UGT1A10: variants seen among roughly 807,000 people sequenced by gnomAD.
The protein encoded by UGT1A10 is UDP-glucuronosyltransferase 1A10.
Under a neutral mutation model 45.8 loss-of-function variants are expected in UGT1A10, and 49 were observed. The ratio of observed to expected loss-of-function variants is 1.07; its 90% CI spans 0.85 to 1.36. The LOEUF (loss-of-function observed/expected upper bound fraction) is 1.36, where lower values mean the gene tolerates loss of function less well. Ranked by LOEUF, UGT1A10 falls within the 40% of genes most tolerant of loss-of-function variation. UGT1A10 has a pLI of 0.00. For synonymous variants in UGT1A10, 284 were observed against 249.7 expected, an observed-to-expected ratio of 1.14 and a Z score of -1.29; for missense variants, 745 against 668.6, an observed-to-expected ratio of 1.11 and a Z score of -1.26.
intron 1 of UGT1A10, chr2:233,760,416 G>A (rs1575772039): frequency 6.2e-7 from 1 of 1,614,218 alleles, no homozygotes; most frequent in East Asian, 2.2e-5. Flanking sequence ...GGCTGAGCAT[G>A]CTTGGGGCCA....
At chr2:233,648,236 A>G in intron 1 of UGT1A10, 3 of 626,848 alleles carry the variant, frequency 4.8e-6, no homozygotes, top group Non-Finnish European at 8.2e-6. Context: ...AAATTAGTAG[A>G]ATACTTAAAG....
intron 1 of UGT1A10, among the ~76,000 whole-genome samples, chr2:233,650,670 G>T (rs2073716152): frequency 6.6e-6 from 1 of 151,990 alleles, no homozygotes; most frequent in African/African-American, 2.4e-5. Context: ...TCATATCTCA[G>T]CATAAATTTT....
In UGT1A10 at chr2:233,722,021, C is replaced by T. The variant is rs991627062; in HGVS notation, c.856-45013C>T. On this transcript the variant is annotated intron_variant, in intron 1 of 4. Coordinates refer to ENST00000344644, the MANE Select transcript of UGT1A10 (RefSeq NM_019075.4). ...TTTAAGTGAACAGGAAAACTGAAAC[C>T]TCTTGAATTGCATGATTTTGTGGTG... 3.6e-5 allele frequency: 9 copies of T among 248,092 alleles called. No homozygotes were observed. In the Admixed American group the frequency reaches 3.8e-4, roughly 10 times the overall value. 15.4% of individuals were successfully genotyped at this position (248,092 alleles called of 1,614,324 possible).
chr2:233,722,457 A>G (rs2077013150), intron 1 of UGT1A10, among the ~76,000 whole-genome samples: 4 of 152,226 alleles, frequency 2.6e-5, no homozygotes, highest in South Asian at 4.1e-4. Flanking sequence ...CAAAGAAATA[A>G]CTGTGGAATT....
At chr2:233,757,414 C>T (rs1409954571) in intron 1 of UGT1A10, among the ~76,000 whole-genome samples, 3 of 151,192 alleles carry the variant, frequency 2.0e-5, no homozygotes, top group East Asian at 2.0e-4. Context: ...GGGTCTAGAA[C>T]GAAAAGAGAA....
rs2076922721 is a variant in UGT1A10, at chr2:233,721,129, T to G, written c.856-45905T>G. 2.0e-5 allele frequency among the ~76,000 whole-genome samples: 3 copies of G among 152,198 alleles called. 1 individual carries two copies. Among genetic ancestry groups the G allele is most frequent in the Admixed American group, 2.0e-4 (3 of 15,284 alleles). On this transcript the variant is annotated intron_variant, in intron 1 of 4. Transcript: ENST00000344644. ...TTATTTCTGTACTTCTTTTTATTAGTGTAGGTATTATTGCAAAGGACACTA... is the reference window on the plus strand; with the variant it reads ...TTATTTCTGTACTTCTTTTTATTAGGGTAGGTATTATTGCAAAGGACACTA...
rs60469444 is a variant in UGT1A10, at chr2:233,743,994, T to G, written c.856-23040T>G. ...GCCAGCACCCAGGCGCAGGCCCGAG[T>G]GCTCGGAGACCTGGGCCGCCTGGAG... On this transcript the variant is annotated intron_variant, in intron 1 of 4. Coordinates refer to ENST00000344644, the MANE Select transcript of UGT1A10 (RefSeq NM_019075.4). 3 of 1,253,056 alleles carry G rather than the reference T, an allele frequency of 2.4e-6. No individual in the cohort carries two copies. In the African/African-American group the frequency reaches 4.7e-5, roughly 20 times the overall value. The allele number at this position is 1,253,056 out of a possible 1,614,324, so 77.6% of individuals were successfully genotyped here. A position where few individuals can be genotyped will look rare whatever the true frequency, so the allele number is the denominator to read the frequency against.
At chr2:233,661,708 C>T (rs78337459) in intron 1 of UGT1A10, among the ~76,000 whole-genome samples, 26 of 90,842 alleles carry the variant, frequency 2.9e-4, no homozygotes, top group African/African-American at 9.0e-4. Flanking sequence ...TATCTGGATT[C>T]TTTTTTTTTT....
At chr2:233,677,892 C>A (rs1290690935) in intron 1 of UGT1A10, among the ~76,000 whole-genome samples, 1 of 151,954 alleles carries the variant, frequency 6.6e-6, no homozygotes, top group African/African-American at 2.4e-5. Context: ...CAGCTCTATT[C>A]AGAATAGAAA....
Position 233,730,160 on chromosome 2 carries a change from G to A in UGT1A10, c.856-36874G>A, listed in dbSNP as rs546399055. 7.2e-5 allele frequency among the ~76,000 whole-genome samples: 11 copies of A among 152,316 alleles called. No homozygotes were observed. The East Asian group carries it at 1.7e-3, about 24-fold the overall frequency. On this transcript the variant is annotated intron_variant, in intron 1 of 4. Coordinates refer to ENST00000344644, the MANE Select transcript of UGT1A10 (RefSeq NM_019075.4). ...GAGATAAACTGTTAAGGGGTCTCTA[G>A]TAGCGTATTTCAGGTTTTAAATGGT...
chr2:233,667,347 G>T (rs2125496051), intron 1 of UGT1A10, among the ~76,000 whole-genome samples: 1 of 152,268 alleles, frequency 6.6e-6, no homozygotes, highest in South Asian at 2.1e-4. Context: ...AGCTGAAACT[G>T]GATCCCTTCC....
chr2:233,688,101 C>T (rs530758909), intron 1 of UGT1A10, among the ~76,000 whole-genome samples: 1 of 152,308 alleles, frequency 6.6e-6, no homozygotes, highest in South Asian at 2.1e-4. Context: ...TATTTCTCCC[C>T]CTTCTTCTAC....
chr2:233,748,324 T>A (rs1693918932), intron 1 of UGT1A10, among the ~76,000 whole-genome samples: 2 of 151,746 alleles, frequency 1.3e-5, no homozygotes, highest in South Asian at 4.1e-4. Flanking sequence ...AGGACTGATG[T>A]GACTCATGGA....
chr2:233,760,254 G>C (rs1697373006), intron 1 of UGT1A10: 2 of 1,610,464 alleles, frequency 1.2e-6, no homozygotes, highest in South Asian at 2.2e-5. Flanking sequence ...ATATAAGTAG[G>C]AGAGGGCGAA....
intron 1 of UGT1A10, among the ~76,000 whole-genome samples, chr2:233,687,074 C>T (rs1260348746): frequency 6.6e-6 from 1 of 152,190 alleles, no homozygotes; most frequent in Non-Finnish European, 1.5e-5. Flanking sequence ...AGCCTGATTT[C>T]ATAAGTACTT....
chr2:233,757,382 C>T (rs1017517189), intron 1 of UGT1A10, among the ~76,000 whole-genome samples: 3 of 151,230 alleles, frequency 2.0e-5, no homozygotes, highest in African/African-American at 7.3e-5. Flanking sequence ...AGATTCAGCA[C>T]TTACTTGCTG....
At chr2:233,708,644 G>A (rs970833084) in intron 1 of UGT1A10, 4 of 152,176 alleles carry the variant, frequency 2.6e-5, no homozygotes, top group African/African-American at 9.7e-5. Context: ...CTAACTACTC[G>A]GAAGGCTGAG....
At chr2:233,747,948 G>T in intron 1 of UGT1A10, 1 of 1,613,450 alleles carries the variant, frequency 6.2e-7, no homozygotes, top group South Asian at 1.1e-5. Flanking sequence ...GGTGTCAGTG[G>T]TGGATCTTCT....
At chr2:233,655,744 G>A (rs2073840150) in intron 1 of UGT1A10, among the ~76,000 whole-genome samples, 1 of 152,118 alleles carries the variant, frequency 6.6e-6, no homozygotes, top group Non-Finnish European at 1.5e-5. Context: ...CCTGTCCCTG[G>A]AGGTTCACAG....
Sources: gnomAD v4.1 joint callset for allele counts (sites outside exome capture counted in the v4.1 genomes callset) on GRCh38, gnomAD v4.1.1 for gene constraint, MANE v1.5 for transcripts, NCBI Gene and HGNC (gene_info 2026-07-23, HGNC 2026-07-21) for gene names.